CPEB3: variants seen among roughly 807,000 people sequenced by gnomAD.
CPEB3 encodes cytoplasmic polyadenylation element binding protein 3.
CPEB3 carries 20 observed loss-of-function variants against 67.2 expected under a neutral mutation model. That is an observed-to-expected ratio of 0.30 (90% CI 0.21 to 0.43). The LOEUF is 0.43. CPEB3 is among the 20% of genes least tolerant of loss of function. The pLI, the probability that CPEB3 is intolerant of heterozygous loss-of-function variation, is 1.00. For missense variants in CPEB3, 746 were observed against 968.6 expected, an observed-to-expected ratio of 0.77 and a Z score of 3.05; for synonymous variants, 376 against 393.1, an observed-to-expected ratio of 0.96 and a Z score of 0.51.
intron 4 of CPEB3, among the ~76,000 whole-genome samples, chr10:92,149,378 G>A (rs1322354502): frequency 6.6e-6 from 1 of 152,216 alleles, no homozygotes; most frequent in East Asian, 1.9e-4. Flanking sequence ...GGGAGAGGGT[G>A]GATGAGGTGA....
chr10:92,199,260 G>A (rs1036025837), intron 2 of CPEB3, among the ~76,000 whole-genome samples: 17 of 151,652 alleles, frequency 1.1e-4, no homozygotes, highest in South Asian at 4.2e-4. Flanking sequence ...GCATGGTGGC[G>A]CATGCCTGTA....
intron 4 of CPEB3, among the ~76,000 whole-genome samples, chr10:92,166,102 ATTTCTT>A (rs1847727387): frequency 6.6e-6 from 1 of 151,074 alleles, no homozygotes; most frequent in African/African-American, 2.4e-5. Context: ...TACAAAATGT[ATTTCTT>A]TTTCTTTTTT....
chr10:92,161,212 G>A (rs990195824), intron 4 of CPEB3, among the ~76,000 whole-genome samples: 1 of 152,088 alleles, frequency 6.6e-6, no homozygotes, highest in African/African-American at 2.4e-5. Context: ...GGGATAGGTA[G>A]CCAATATCAA....
chr10:92,062,805 C>T (rs1015887095), intron 9 of CPEB3, among the ~76,000 whole-genome samples: 6 of 152,178 alleles, frequency 3.9e-5, no homozygotes, highest in African/African-American at 7.2e-5. Flanking sequence ...GGTGAGATCA[C>T]GTTACTGATC....
At chr10:92,211,897 C>T (rs1307619536) in intron 2 of CPEB3, among the ~76,000 whole-genome samples, 2 of 150,794 alleles carry the variant, frequency 1.3e-5, no homozygotes, top group Non-Finnish European at 2.9e-5. Flanking sequence ...GACGGAGTTT[C>T]ACTTTGTTGC....
At chr10:92,132,990 C>T (rs1210122760) in intron 6 of CPEB3, among the ~76,000 whole-genome samples, 3 of 152,060 alleles carry the variant, frequency 2.0e-5, no homozygotes, top group Non-Finnish European at 4.4e-5. Flanking sequence ...ACACAATGTA[C>T]CAGAATCTCT....
intron 7 of CPEB3, among the ~76,000 whole-genome samples, chr10:92,098,161 A>T (rs1473622589): frequency 8.9e-4 from 3 of 3,380 alleles, no homozygotes; most frequent in South Asian, 0.011. Flanking sequence ...CACTCTGCCT[A>T]AAAAAAAAAA....
chr10:92,195,299 T>C (rs550285452), intron 2 of CPEB3, among the ~76,000 whole-genome samples: 1 of 152,320 alleles, frequency 6.6e-6, no homozygotes, highest in African/African-American at 2.4e-5. Flanking sequence ...TCCCCTTGGA[T>C]AGGAAAGAGA....
chr10:92,213,346 T>C (rs1327380904), intron 2 of CPEB3, among the ~76,000 whole-genome samples: 1 of 152,176 alleles, frequency 6.6e-6, no homozygotes, highest in Non-Finnish European at 1.5e-5. Context: ...TGAATAAGAA[T>C]TGTAAAGTGA....
intron 2 of CPEB3, among the ~76,000 whole-genome samples, chr10:92,203,907 T>G (rs1424021740): frequency 2.0e-5 from 3 of 152,274 alleles, no homozygotes; most frequent in Admixed American, 2.0e-4. Flanking sequence ...CATCACAACA[T>G]GCACCTTTTA....
At chr10:92,147,719 G>A (rs532214131) in intron 4 of CPEB3, among the ~76,000 whole-genome samples, 5 of 152,168 alleles carry the variant, frequency 3.3e-5, no homozygotes, top group African/African-American at 4.8e-5. Context: ...GGAGATTGGC[G>A]GGGAGAGATT....
intron 7 of CPEB3, among the ~76,000 whole-genome samples, chr10:92,110,399 C>G (rs186526108): frequency 6.6e-6 from 1 of 152,162 alleles, no homozygotes; most frequent in Non-Finnish European, 1.5e-5. Flanking sequence ...AAATGAAGTT[C>G]GTTTATTCTG....
At chr10:92,126,519 G>A (rs944040403) in intron 6 of CPEB3, among the ~76,000 whole-genome samples, 1 of 152,186 alleles carries the variant, frequency 6.6e-6, no homozygotes, top group Non-Finnish European at 1.5e-5. Flanking sequence ...AGCTATGTGA[G>A]TATGACAAAC....
chr10:92,276,143 C>T (rs553093747), intron 1 of CPEB3, among the ~76,000 whole-genome samples: 14 of 151,624 alleles, frequency 9.2e-5, no homozygotes, highest in African/African-American at 3.1e-4. Context: ...CCACCACGCC[C>T]GGCATTTCAT....
intron 3 of CPEB3, among the ~76,000 whole-genome samples, chr10:92,181,717 T>G (rs912656011): frequency 2.0e-5 from 3 of 152,224 alleles, no homozygotes; most frequent in Non-Finnish European, 2.9e-5. Flanking sequence ...ATTTTTACAT[T>G]TAGAAAGGCT....
In CPEB3 at chr10:92,138,508, CAA is replaced by C. The variant is rs34346830; in HGVS notation, c.1453+4519_1453+4520del. The C allele has an allele frequency of 7.2e-3, 861 of 119,228 alleles. 4 individuals are homozygous for C. The highest frequency in any genetic ancestry group is 0.017 in the Middle Eastern group (4 of 230). The allele number at this position is 119,228 out of a possible 1,614,324, so 7.4% of individuals were successfully genotyped here. A position where few individuals can be genotyped will look rare whatever the true frequency, so the allele number is the denominator to read the frequency against. Reference sequence around the variant, plus strand: ...CTTGAATAAACGTCACTTTTTGAGGCAAAAAAAAAAAAAAAAGGGAGGGTGAA... The same window carrying C: ...CTTGAATAAACGTCACTTTTTGAGGCAAAAAAAAAAAAAAGGGAGGGTGAA... On this transcript the variant is annotated intron_variant, in intron 6 of 9. Transcript: ENST00000265997.
At chr10:92,212,498 C>G (rs1280273021) in intron 2 of CPEB3, among the ~76,000 whole-genome samples, 1 of 152,080 alleles carries the variant, frequency 6.6e-6, no homozygotes, top group African/African-American at 2.4e-5. Flanking sequence ...ATCCACTCAC[C>G]TCGGTCTCCC....
At chr10:92,052,577 G>A (rs1711841) in intron 9 of CPEB3, 138 bp from the exon 10 acceptor site, 677,961 of 681,304 alleles carry the variant, frequency 1, 337,395 homozygotes, top group East Asian at 1. Flanking sequence ...ACTGGATGGT[G>A]GTTGAGAGCA....
intron 4 of CPEB3, among the ~76,000 whole-genome samples, chr10:92,159,045 T>C (rs185566146): frequency 4.0e-4 from 61 of 152,284 alleles, no homozygotes; most frequent in African/African-American, 1.2e-3. Context: ...GAGGATCATT[T>C]GAGGTCAGGA....
Sources: allele counts gnomAD v4.1 joint callset (sites outside exome capture counted in the v4.1 genomes callset), GRCh38; gene constraint gnomAD v4.1.1; transcripts MANE v1.5; gene names NCBI Gene and HGNC (gene_info 2026-07-23, HGNC 2026-07-21).